Variants in ZBP1 observed in about 807,000 individuals in gnomAD.
ZBP1 encodes Z-DNA-binding protein 1.
Under a neutral mutation model 41.1 loss-of-function variants are expected in ZBP1, and 42 were observed. That is an observed-to-expected ratio of 1.02 (90% confidence interval 0.80 to 1.32). The LOEUF is 1.32. ZBP1 is among the 40% of genes most tolerant of loss of function. The probability of loss-of-function intolerance (pLI) is 0.00; values close to 1 mark genes in which losing one functional copy is unlikely to be tolerated. For missense variants in ZBP1, 562 were observed against 549.7 expected, an observed-to-expected ratio of 1.02 and a Z score of -0.22; for synonymous variants, 214 against 205.2, an observed-to-expected ratio of 1.04 and a Z score of -0.37.
chr20:57,612,089 C>T (rs930911985), intron 5 of ZBP1, among the ~76,000 whole-genome samples, 159 bp from the exon 6 acceptor site: 2 of 152,128 alleles, frequency 1.3e-5, no homozygotes, highest in Non-Finnish European at 2.9e-5. Flanking sequence ...GAGGACCTGG[C>T]GGAATAGCTC....
At chr20:57,616,711 T>G (rs1037112348) in intron 1 of ZBP1, 5 of 519,630 alleles carry the variant, frequency 9.6e-6, no homozygotes, top group Non-Finnish European at 1.7e-5. Flanking sequence ...CCAGGGGAGG[T>G]GCCACCTCGC....
intron 1 of ZBP1, among the ~76,000 whole-genome samples, chr20:57,619,690 C>T (rs1323137096): frequency 6.6e-6 from 1 of 152,146 alleles, no homozygotes; most frequent in Non-Finnish European, 1.5e-5. Context: ...AGTGTCATTT[C>T]ACCTCTCAGG....
intron 2 of ZBP1, chr20:57,615,837 G>A (rs1391263727): frequency 5.5e-6 from 3 of 544,368 alleles, no homozygotes; most frequent in Admixed American, 3.7e-5. Flanking sequence ...CCAAAACAGT[G>A]CCTGGCTAAT....
intron 5 of ZBP1, 80 bp from the exon 6 acceptor site, chr20:57,612,010 T>C: frequency 1.5e-6 from 2 of 1,355,520 alleles, no homozygotes; most frequent in African/African-American, 2.9e-5. Flanking sequence ...CGCAGGCCTG[T>C]CCTCTGAATT....
Position 57,606,547 on chromosome 20 carries a change from A to T in ZBP1, c.1094-1778T>A, listed in dbSNP as rs546568168. Among the ~76,000 whole-genome samples the T allele has an allele frequency of 2.8e-4, 42 of 152,346 alleles. 1 individual carries two copies. The South Asian group carries it at 8.3e-3, about 30-fold the overall frequency. On this transcript the variant is annotated intron_variant, in intron 7 of 7. Coordinates refer to ENST00000371173, the MANE Select transcript of ZBP1 (RefSeq NM_030776.3). ...CAGCCTTCTATTGAAAAAAGATGTC[A>T]TCTAGAACTTTCATAACTCGAAAGG... is the stretch of plus-strand genomic sequence containing the variant.
chr20:57,613,497 C>T lies in ZBP1; in HGVS notation c.503-167G>A, dbSNP rs1189626065. 6.6e-6 allele frequency among the ~76,000 whole-genome samples: 1 copy of T among 152,166 alleles called. No individual in the cohort carries two copies. Among genetic ancestry groups the T allele is most frequent in the Non-Finnish European group, 1.5e-5 (1 of 68,030 alleles). On this transcript the variant is annotated intron_variant, in intron 4 of 7. Transcript: ENST00000371173. The surrounding 1 kb of genome is among the most constrained non-coding windows in gnomAD (Gnocchi z 4.5). The stretch of plus-strand genomic sequence containing the variant: ...CCAGAGCTGGGTGTTTAACAGACAC[C>T]ACAGGTACCTCAGAGGGAGCCTCAC...
Position 57,604,500 on chromosome 20 carries a change from G to A in ZBP1, c.*73C>T, listed in dbSNP as rs2070447400. The A allele has an allele frequency of 3.8e-6, 6 of 1,558,606 alleles. No individual in the cohort carries two copies. In the South Asian group the frequency reaches 5.6e-5, roughly 15 times the overall value. ...GTCAAACAAGACGCTAAGGAATGCA[G>A]AGAGCAGCAGGCTAGTCTCCCTAGC... On this transcript the variant is annotated 3_prime_UTR_variant, in exon 8 of 8. Transcript: ENST00000371173.
intron 3 of ZBP1, 194 bp from the exon 4 acceptor site, chr20:57,615,254 G>C: frequency 1.4e-6 from 1 of 702,466 alleles, no homozygotes; most frequent in Admixed American, 2.8e-5. Context: ...TGCACAGAGT[G>C]CTCTGCGCTG....
chr20:57,604,565 G>T lies in ZBP1; in HGVS notation c.*8C>A, dbSNP rs777181921. The T allele has an allele frequency of 3.8e-5, 61 of 1,611,938 alleles. No individual in the cohort carries two copies. The highest frequency in any genetic ancestry group is 4.9e-5 in the Non-Finnish European group (58 of 1,178,740). On this transcript the variant is annotated 3_prime_UTR_variant, in exon 8 of 8. Coordinates refer to ENST00000371173, the MANE Select transcript of ZBP1 (RefSeq NM_030776.3). ...AGCCTGTGTCCAAGCCCCACGTGAG[G>T]CTGTGCACTAAATCCCACCTCCCCA...
chr20:57,612,302 T>C (rs775689058), intron 5 of ZBP1, among the ~76,000 whole-genome samples: 1 of 152,226 alleles, frequency 6.6e-6, no homozygotes, highest in Non-Finnish European at 1.5e-5. Flanking sequence ...ACAACATTTA[T>C]TTTTATGGTG....
rs755388299 is a variant in ZBP1 at position 57,610,196 on chromosome 20, G to A, written c.1046C>T (p.Pro349Leu). ...CTCTCCAGACCCTGCGACTCCTCCT[G>A]GGCCAGCCACCCCTGGGCTGATAGA... ...KMSISPGVAG[P>L]GGVAGSGEGE... is the part of the protein sequence containing the mutation. Residue 349 changes from proline (P) to leucine (L), a missense_variant, in exon 7 of 8, where the codon CCA becomes CTA. Transcript: ENST00000371173. The surrounding 1 kb of genome is among the most constrained non-coding windows in gnomAD (Gnocchi z 5.5). The A allele has an allele frequency of 2.5e-6, 4 of 1,614,138 alleles. No individual in the cohort carries two copies. Among genetic ancestry groups the A allele is most frequent in the Non-Finnish European group, 1.7e-6 (2 of 1,180,032 alleles).
At position 57,615,062 on chromosome 20, in the gene ZBP1, T is replaced by C. The variant is rs373754504; in HGVS notation, c.329-2A>G. The C allele has an allele frequency of 2.4e-4, 381 of 1,614,034 alleles. 1 individual carries two copies. The highest frequency in any genetic ancestry group is 3.1e-4 in the Non-Finnish European group (364 of 1,180,012). ...TGAGAAACCTGTAGATGTCTTCCTC[T>C]GGGAGGCAGGATGGCCAGGTGGTTA... On this transcript the variant is annotated splice_acceptor_variant, in intron 3 of 7. Transcript: ENST00000371173. LOFTEE classifies it high-confidence loss of function.
rs139935623 is a variant in ZBP1 at position 57,610,068 on chromosome 20, C to T, written c.1093+81G>A. ...GGGAAACCAGAGATTAGCGAATGAT[C>T]GATGAGAGTGAATGAATGAATGAGT... On this transcript the variant is annotated intron_variant, in intron 7 of 7. Transcript: ENST00000371173. The surrounding 1 kb of genome is among the most constrained non-coding windows in gnomAD (Gnocchi z 5.5). 277 of 1,434,138 alleles carry T rather than the reference C, an allele frequency of 1.9e-4. No homozygotes were observed. In the African/African-American group the frequency reaches 3.4e-3, roughly 18 times the overall value. The allele number at this position is 1,434,138 out of a possible 1,614,324, so 88.8% of individuals were successfully genotyped here.
At chr20:57,618,315 T>C (rs1449446620) in intron 1 of ZBP1, among the ~76,000 whole-genome samples, 2 of 152,248 alleles carry the variant, frequency 1.3e-5, no homozygotes, top group Non-Finnish European at 2.9e-5. Context: ...GACTCAGTCC[T>C]TTGTCATCTG....
chr20:57,612,256 G>C (rs896943944), intron 5 of ZBP1, among the ~76,000 whole-genome samples: 2 of 152,118 alleles, frequency 1.3e-5, no homozygotes, highest in African/African-American at 4.8e-5. Context: ...CAACACCAAA[G>C]GCTCAGAGCC....
chr20:57,615,651 G>A (rs2146590059), intron 2 of ZBP1, 71 bp from the exon 3 acceptor site: 4 of 1,422,142 alleles, frequency 2.8e-6, no homozygotes, highest in Non-Finnish European at 3.9e-6. Flanking sequence ...CCACAAAGGT[G>A]GGCAGCTCCC....
chr20:57,613,375 G>C lies in ZBP1; in HGVS notation c.503-45C>G. ...TGTATCCCTTTGCCACTGTCTATGG[G>C]TCAGGGGTTCCCAATACCAGTCGGC... On this transcript the variant is annotated intron_variant, in intron 4 of 7. Coordinates refer to ENST00000371173, the MANE Select transcript of ZBP1 (RefSeq NM_030776.3). The surrounding 1 kb of genome is among the most constrained non-coding windows in gnomAD (Gnocchi z 4.5). 1.3e-6 allele frequency: 2 copies of C among 1,586,844 alleles called. No homozygotes were observed. The highest frequency in any genetic ancestry group is 1.7e-6 in the Non-Finnish European group (2 of 1,167,300).
Position 57,613,267 on chromosome 20 carries a change from A to T in ZBP1, c.566T>A (p.Ile189Asn), listed in dbSNP as rs2070725821. 1.2e-6 allele frequency: 2 copies of T among 1,614,264 alleles called. No homozygotes were observed. Among genetic ancestry groups the T allele is most frequent in the Non-Finnish European group, 1.7e-6 (2 of 1,180,046 alleles). The change falls in exon 5 of 8, where the codon ATC (isoleucine) becomes AAC (asparagine). Residue 189 changes from isoleucine to asparagine, a missense_variant. Coordinates refer to ENST00000371173, the MANE Select transcript of ZBP1 (RefSeq NM_030776.3). The surrounding 1 kb of genome is among the most constrained non-coding windows in gnomAD (Gnocchi z 4.5). ...CCAGCTGTTGGGTCCATTCTGGCAG[A>T]TCATGTTGATTGGATTGTGCTGGTA... is the stretch of plus-strand genomic sequence containing the variant. ...IIYQHNPINM[I>N]CQNGPNSWIS...
At chr20:57,604,846 G>A (rs578006214) in intron 7 of ZBP1, 77 bp from the exon 8 acceptor site, 1 of 1,379,188 alleles carries the variant, frequency 7.3e-7, no homozygotes, top group South Asian at 1.3e-5. Context: ...CTCTTGGAAG[G>A]ATTTCGAGCT....
Sources: gnomAD v4.1 joint callset for allele counts (sites outside exome capture counted in the v4.1 genomes callset) on GRCh38, gnomAD v4.1.1 for gene constraint, Gnocchi (gnomAD v3.1) non-coding constraint, MANE v1.5 for transcripts, NCBI Gene and HGNC (gene_info 2026-07-23, HGNC 2026-07-21) for gene names.